Variants in SPECC1 observed in about 807,000 individuals in gnomAD.
SPECC1 encodes cytospin-B.
SPECC1 carries 62 observed loss-of-function variants against 104.1 expected under a neutral mutation model. That is an observed-to-expected ratio of 0.60 (90% CI 0.49 to 0.74). SPECC1 has a LOEUF of 0.74. SPECC1 is among the 30% of genes least tolerant of loss of function. The probability of loss-of-function intolerance (pLI) is 0.00; values close to 1 mark genes in which losing one functional copy is unlikely to be tolerated. For missense variants in SPECC1, 1,306 were observed against 1,310.5 expected (o/e 1.00, Z 0.05); for synonymous variants, 513 against 501.6 (o/e 1.02, Z -0.30).
intron 7 of SPECC1, among the ~76,000 whole-genome samples, chr17:20,245,592 T>G (rs1318824516): frequency 1.3e-5 from 2 of 152,170 alleles, no homozygotes; most frequent in Non-Finnish European, 2.9e-5. Context: ...GTGAAATATT[T>G]ATGGTCAATA....
chr17:20,202,238 G>A (rs1017068217), intron 3 of SPECC1, among the ~76,000 whole-genome samples: 3 of 152,020 alleles, frequency 2.0e-5, no homozygotes, highest in Non-Finnish European at 4.4e-5. Context: ...CAAGCATTGG[G>A]GGTAGCTGCT....
At chr17:20,126,011 C>T (rs942339630) in intron 3 of SPECC1, among the ~76,000 whole-genome samples, 3 of 152,176 alleles carry the variant, frequency 2.0e-5, no homozygotes, top group Admixed American at 6.5e-5. Context: ...GGGATGGCAG[C>T]TCTCCTGGGT....
intron 12 of SPECC1, among the ~76,000 whole-genome samples, chr17:20,266,320 A>T (rs2040215935): frequency 6.6e-6 from 1 of 152,124 alleles, no homozygotes; most frequent in Admixed American, 6.5e-5. Context: ...GCGGTGACTC[A>T]CGCCTGTAAT....
chr17:20,194,502 ATTTTT>A (rs1209589252), intron 3 of SPECC1, among the ~76,000 whole-genome samples: 10 of 86,564 alleles, frequency 1.2e-4, no homozygotes, highest in Non-Finnish European at 1.7e-4. Context: ...AAGAGAACGA[ATTTTT>A]TTTTTTTTTT....
intron 3 of SPECC1, among the ~76,000 whole-genome samples, chr17:20,169,146 T>G (rs554399237): frequency 6.6e-6 from 1 of 152,316 alleles, no homozygotes; most frequent in South Asian, 2.1e-4. Flanking sequence ...GTACTGAGAT[T>G]ATAGGCGTGA....
At chr17:20,107,526 G>A (rs563619684) in intron 2 of SPECC1, among the ~76,000 whole-genome samples, 5 of 148,924 alleles carry the variant, frequency 3.4e-5, no homozygotes, top group Admixed American at 1.3e-4. Flanking sequence ...GCGCGATCTC[G>A]GCTCACTGTA....
intron 3 of SPECC1, among the ~76,000 whole-genome samples, chr17:20,129,725 TTTG>T (rs143256718): frequency 0.55 from 83,884 of 151,166 alleles, 23,821 homozygotes; most frequent in Middle Eastern, 0.61. Flanking sequence ...TAGAGCCAGT[TTTG>T]TTGTTGTTGT....
intron 3 of SPECC1, among the ~76,000 whole-genome samples, chr17:20,175,375 T>C (rs1245388921): frequency 6.6e-6 from 1 of 152,276 alleles, no homozygotes; most frequent in Non-Finnish European, 1.5e-5. Flanking sequence ...TTAATGCTTT[T>C]GTTTACTGCA....
At chr17:20,232,086 A>C in intron 6 of SPECC1, 114 bp from the exon 7 acceptor site, 2 of 1,265,672 alleles carry the variant, frequency 1.6e-6, no homozygotes, top group South Asian at 2.7e-5. Flanking sequence ...GCAGGGCCTC[A>C]CCAAGCACTG....
intron 3 of SPECC1, among the ~76,000 whole-genome samples, chr17:20,200,541 C>T (rs1008189620): frequency 6.6e-6 from 1 of 152,216 alleles, no homozygotes; most frequent in Non-Finnish European, 1.5e-5. Flanking sequence ...ATCCCTGTTC[C>T]ACTGGCCCTT....
intron 12 of SPECC1, among the ~76,000 whole-genome samples, chr17:20,265,283 G>A (rs1167957183): frequency 6.6e-6 from 1 of 151,950 alleles, no homozygotes; most frequent in Non-Finnish European, 1.5e-5. Flanking sequence ...CTATTTTTTG[G>A]CTTTTTAATA....
chr17:20,242,450 A>G (rs1312341391), intron 7 of SPECC1, among the ~76,000 whole-genome samples: 1 of 152,166 alleles, frequency 6.6e-6, no homozygotes, highest in African/African-American at 2.4e-5. Flanking sequence ...AGTGTGCATC[A>G]CCTGCTGTGT....
chr17:20,259,731 T>C (rs1369321557), intron 11 of SPECC1, among the ~76,000 whole-genome samples: 1 of 152,110 alleles, frequency 6.6e-6, no homozygotes, highest in Non-Finnish European at 1.5e-5. Context: ...AGGCTGGTCT[T>C]GAACTCTTGG....
chr17:20,218,775 C>G (rs2037672227), intron 4 of SPECC1, among the ~76,000 whole-genome samples: 1 of 152,120 alleles, frequency 6.6e-6, no homozygotes, highest in Admixed American at 6.5e-5. Flanking sequence ...ATATTGTATC[C>G]ATTAACCATC....
chr17:20,162,002 C>T (rs893045569), intron 3 of SPECC1, among the ~76,000 whole-genome samples: 22 of 152,076 alleles, frequency 1.4e-4, no homozygotes, highest in Non-Finnish European at 2.1e-4. Context: ...GCCATGTTGG[C>T]CAGGCTGGTC....
At chr17:20,093,663 G>T (rs1243198997) in intron 1 of SPECC1, among the ~76,000 whole-genome samples, 1 of 152,050 alleles carries the variant, frequency 6.6e-6, no homozygotes, top group African/African-American at 2.4e-5. Context: ...TCTAGTAGGA[G>T]TCCTTCCTGC....
chr17:20,230,314 T>C (rs916428904), intron 5 of SPECC1, among the ~76,000 whole-genome samples: 2 of 152,162 alleles, frequency 1.3e-5, no homozygotes, highest in Non-Finnish European at 2.9e-5. Flanking sequence ...GACTAGTTGG[T>C]TAGAGTGACA....
chr17:20,263,144 T>C (rs12939185), intron 12 of SPECC1, among the ~76,000 whole-genome samples: 1 of 151,326 alleles, frequency 6.6e-6, no homozygotes, highest in Non-Finnish European at 1.5e-5. Context: ...AAGGAAGGCC[T>C]CTTGGTTACA....
intron 3 of SPECC1, among the ~76,000 whole-genome samples, chr17:20,163,082 A>T (rs771745516): frequency 6.6e-6 from 1 of 152,226 alleles, no homozygotes; most frequent in Non-Finnish European, 1.5e-5. Context: ...GGTAATACAT[A>T]GTAAAAAATC....
Sources: allele counts gnomAD v4.1 joint callset (sites outside exome capture counted in the v4.1 genomes callset), GRCh38; gene constraint gnomAD v4.1.1; transcripts MANE v1.5; gene names NCBI Gene and HGNC (gene_info 2026-07-23, HGNC 2026-07-21).